Variants in AGAP1 observed in about 807,000 individuals in gnomAD.
AGAP1 encodes the protein arf-GAP with GTPase, ANK repeat and PH domain-containing protein 1.
A neutral mutation model predicts 105.3 loss-of-function variants in AGAP1; 29 were observed. That is an observed-to-expected ratio of 0.28 (90% CI 0.21 to 0.38). AGAP1 has a LOEUF of 0.38. Among genes scored for constraint, AGAP1 ranks in the 10% least tolerant of loss-of-function variants. AGAP1 has a pLI of 1.00. For synonymous variants in AGAP1, 509 were observed against 485.9 expected (o/e 1.05, Z -0.63); for missense variants, 998 against 1,165.1 (o/e 0.86, Z 2.09).
At position 235,759,216 on chromosome 2, in the gene AGAP1, T is replaced by G. The variant is rs575548967; in HGVS notation, c.673+8728T>G. ...TGGAGTCTCGCTCTGTCACCCAGGC[T>G]GGACTGCAGTGGTGTGATCTCAGCT... On this transcript the variant is annotated intron_variant, in intron 6 of 17. Transcript: ENST00000304032. Among the ~76,000 whole-genome samples the G allele has an allele frequency of 4.1e-5, 6 of 147,356 alleles. No individual in the cohort carries two copies. In the East Asian group the frequency reaches 1.2e-3, roughly 30 times the overall value.
chr2:235,648,643 GC>G (rs1947471741), intron 1 of AGAP1, among the ~76,000 whole-genome samples: 1 of 151,370 alleles, frequency 6.6e-6, no homozygotes, highest in African/African-American at 2.4e-5. Context: ...GGAAGCCGAG[GC>G]AGGCAGATCA....
At chr2:235,510,900 G>C (rs899996096) in intron 1 of AGAP1, among the ~76,000 whole-genome samples, 1 of 148,194 alleles carries the variant, frequency 6.7e-6, no homozygotes, top group African/African-American at 2.5e-5. Flanking sequence ...AGCAGAGCCA[G>C]TGTGCCTCTC....
intron 1 of AGAP1, among the ~76,000 whole-genome samples, chr2:235,648,148 T>A (rs1947455032): frequency 6.6e-6 from 1 of 152,202 alleles, no homozygotes; most frequent in East Asian, 1.9e-4. Context: ...GTCCATCCCG[T>A]GTGTGCCATG....
intron 11 of AGAP1, among the ~76,000 whole-genome samples, chr2:235,911,838 A>G (rs2051634535): frequency 6.6e-6 from 1 of 152,252 alleles, no homozygotes; most frequent in South Asian, 2.1e-4. Context: ...AATCCCACAC[A>G]GGGGCCTGGC....
At chr2:235,619,592 A>G (rs1212138067) in intron 1 of AGAP1, among the ~76,000 whole-genome samples, 1 of 152,050 alleles carries the variant, frequency 6.6e-6, no homozygotes, top group African/African-American at 2.4e-5. Context: ...CCTAGGATCT[A>G]GAGTGCAGTC....
intron 1 of AGAP1, among the ~76,000 whole-genome samples, chr2:235,598,980 C>A (rs1405690671): frequency 6.6e-6 from 1 of 152,110 alleles, no homozygotes; most frequent in Non-Finnish European, 1.5e-5. Flanking sequence ...TGAGTGGGAG[C>A]CTGTCTTCCT....
intron 9 of AGAP1, among the ~76,000 whole-genome samples, chr2:235,827,474 C>G (rs1959135383): frequency 6.6e-6 from 1 of 152,176 alleles, no homozygotes; most frequent in African/African-American, 2.4e-5. Context: ...ACTATTTCTA[C>G]TAATACTTGT....
chr2:235,498,689 G>GAT, intron 1 of AGAP1, among the ~76,000 whole-genome samples: 1 of 152,340 alleles, frequency 6.6e-6, no homozygotes, highest in African/African-American at 2.4e-5. Flanking sequence ...TGATGTGAGT[G>GAT]ATAGCCCAGC....
chr2:235,771,052 T>C (rs1575408818), intron 6 of AGAP1, among the ~76,000 whole-genome samples: 1 of 152,186 alleles, frequency 6.6e-6, no homozygotes, highest in East Asian at 1.9e-4. Context: ...GGGACTAACA[T>C]GGCCCAGGAG....
rs1412693682 is a variant in AGAP1 at position 236,000,949 on chromosome 2, A to G, written c.1645+32326A>G. On this transcript the variant is annotated intron_variant, in intron 13 of 17. Transcript: ENST00000304032. The surrounding 1 kb of genome is among the most constrained non-coding windows in gnomAD (Gnocchi z 4.3). ...CGTGAGGAGGGTGAGAGTCCATGCCATAAAGGACTGTCATCCATCTGTCAT... is the reference window on the plus strand; with the variant it reads ...CGTGAGGAGGGTGAGAGTCCATGCCGTAAAGGACTGTCATCCATCTGTCAT... 1.3e-5 allele frequency among the ~76,000 whole-genome samples: 2 copies of G among 152,194 alleles called. No homozygotes were observed. The highest frequency in any genetic ancestry group is 2.9e-5 in the Non-Finnish European group (2 of 68,032).
At chr2:235,807,105 G>C (rs905186538) in intron 8 of AGAP1, 134 bp from the exon 9 acceptor site, 5 of 771,564 alleles carry the variant, frequency 6.5e-6, no homozygotes, top group East Asian at 5.6e-5. Flanking sequence ...CTGCTCGTCG[G>C]ACGTGTCTGT....
chr2:236,024,904 C>T (rs1420111479), intron 13 of AGAP1, among the ~76,000 whole-genome samples: 1 of 152,204 alleles, frequency 6.6e-6, no homozygotes, highest in East Asian at 1.9e-4. Context: ...CTGTTAAACA[C>T]AGAAAACTGT....
In AGAP1 at chr2:235,971,380, G is replaced by C. The variant is rs1348990410; in HGVS notation, c.1645+2757G>C. On this transcript the variant is annotated intron_variant, in intron 13 of 17. Coordinates refer to ENST00000304032, the MANE Select transcript of AGAP1 (RefSeq NM_001037131.3). The surrounding 1 kb of genome is among the most constrained non-coding windows in gnomAD (Gnocchi z 4.8). ...TTTATTTACTGTTAATTCCTTGAAA[G>C]TACATTGTGTAAAACACCCAAATTA... Among the ~76,000 whole-genome samples, 3 of 152,180 alleles carry C rather than the reference G, an allele frequency of 2.0e-5. No homozygotes were observed. The highest frequency in any genetic ancestry group is 2.9e-5 in the Non-Finnish European group (2 of 68,030).
intron 1 of AGAP1, among the ~76,000 whole-genome samples, chr2:235,658,235 A>G (rs1237161125): frequency 6.6e-6 from 1 of 152,118 alleles, no homozygotes; most frequent in Non-Finnish European, 1.5e-5. Flanking sequence ...TAGTTTGTGC[A>G]TACCTTCTTC....
intron 10 of AGAP1, among the ~76,000 whole-genome samples, chr2:235,896,877 G>A (rs1441122229): frequency 6.6e-6 from 1 of 152,174 alleles, no homozygotes; most frequent in Non-Finnish European, 1.5e-5. Flanking sequence ...CTGTATCAAA[G>A]TCTATTTCTG....
Position 236,014,655 on chromosome 2 carries a change from C to T in AGAP1, c.1646-21906C>T, listed in dbSNP as rs371822781. 44 of 335,662 alleles carry T rather than the reference C, an allele frequency of 1.3e-4. 1 individual carries two copies. The highest frequency in any genetic ancestry group is 9.1e-4 in the Middle Eastern group (1 of 1,096). The allele number at this position is 335,662 out of a possible 1,614,324, so 20.8% of individuals were successfully genotyped here. On this transcript the variant is annotated intron_variant, in intron 13 of 17. Transcript: ENST00000304032. The surrounding 1 kb of genome is among the most constrained non-coding windows in gnomAD (Gnocchi z 6.3). ...GAGTTGGAGGGCTCAGCCCAGGGAGCTCCATGGCACCCACCCGCTTCGCGC... is the reference window on the plus strand; with the variant it reads ...GAGTTGGAGGGCTCAGCCCAGGGAGTTCCATGGCACCCACCCGCTTCGCGC...
At chr2:235,573,054 C>CTTCTTCTTCTTCT (rs1944613487) in intron 1 of AGAP1, among the ~76,000 whole-genome samples, 5 of 22,176 alleles carry the variant, frequency 2.3e-4, no homozygotes, top group Admixed American at 4.8e-4. Flanking sequence ...TCTTCTTCTT[C>CTTCTTCTTCTTCT]TTCTTCTTTC....
chr2:235,773,614 C>G (rs1009549491), intron 6 of AGAP1, among the ~76,000 whole-genome samples: 1 of 152,182 alleles, frequency 6.6e-6, no homozygotes, highest in African/African-American at 2.4e-5. Context: ...CTTAGGTTCC[C>G]TGCCCCCATA....
rs556138139 is a variant in AGAP1 at position 235,716,244 on chromosome 2, A to G, written c.223-1313A>G. On this transcript the variant is annotated intron_variant, in intron 2 of 17. Transcript: ENST00000304032. This position sits in a 1 kb window ranked among gnomAD's most constrained non-coding sequence, Gnocchi z 4.0. ...TGAGGATGGAGCCCTGGCGAGTCCC[A>G]GTATGTCCCTGCAGATGGAGGAAGA... is the stretch of plus-strand genomic sequence containing the variant. 2.6e-5 allele frequency among the ~76,000 whole-genome samples: 4 copies of G among 152,258 alleles called. No individual in the cohort carries two copies. In the East Asian group the frequency reaches 7.8e-4, roughly 30 times the overall value.
Sources: gnomAD v4.1 joint callset for allele counts (sites outside exome capture counted in the v4.1 genomes callset) on GRCh38, gnomAD v4.1.1 for gene constraint, Gnocchi (gnomAD v3.1) non-coding constraint, MANE v1.5 for transcripts, NCBI Gene and HGNC (gene_info 2026-07-23, HGNC 2026-07-21) for gene names.